Variants in BCAS4 observed in about 807,000 individuals in gnomAD.
BCAS4 encodes the protein breast carcinoma amplified sequence 4, also known as breast carcinoma-amplified sequence 4.
BCAS4 carries 9 observed loss-of-function variants against 15.7 expected under a neutral mutation model. The observed-to-expected ratio is 0.57, with a 90% CI of 0.34 to 1.00. BCAS4 has a LOEUF of 1.00. BCAS4 is among the 50% of genes least tolerant of loss of function. The probability of loss-of-function intolerance (pLI) is 0.02; values close to 1 mark genes in which losing one functional copy is unlikely to be tolerated. For missense variants in BCAS4, 225 were observed against 239.1 expected (o/e 0.94, Z 0.39); for synonymous variants, 101 against 99.5 (o/e 1.02, Z -0.09).
intron 1 of BCAS4, among the ~76,000 whole-genome samples, chr20:50,806,177 C>T (rs1205207622): frequency 1.3e-5 from 2 of 152,144 alleles, no homozygotes; most frequent in Admixed American, 1.3e-4. Context: ...TCCTTAGCTT[C>T]TGTCATGAGA....
At chr20:50,860,997 GAAA>G (rs200476021) in intron 4 of BCAS4, among the ~76,000 whole-genome samples, 1 of 133,832 alleles carries the variant, frequency 7.5e-6, no homozygotes, top group Non-Finnish European at 1.6e-5. Context: ...CCGGTCTCTG[GAAA>G]AAAAAAAAAA....
At chr20:50,859,971 T>C (rs1179788858) in intron 4 of BCAS4, among the ~76,000 whole-genome samples, 3 of 151,768 alleles carry the variant, frequency 2.0e-5, no homozygotes, top group Non-Finnish European at 4.4e-5. Context: ...GAGACCCCCA[T>C]CTCAAAAGAA....
chr20:50,828,217 C>A (rs1381847383), intron 2 of BCAS4, among the ~76,000 whole-genome samples: 2 of 151,818 alleles, frequency 1.3e-5, no homozygotes, highest in Non-Finnish European at 2.9e-5. Context: ...AAACGAGTAT[C>A]CCTGAGGACA....
intron 4 of BCAS4, 89 bp from the exon 5 acceptor site, chr20:50,876,397 T>C: frequency 6.5e-6 from 10 of 1,541,106 alleles, no homozygotes; most frequent in Non-Finnish European, 8.8e-6. Context: ...GTGTGAGTCC[T>C]GCAGGATGAA....
downstream of BCAS4, chr20:50,881,097 G>T (rs1980109092): frequency 6.6e-6 from 1 of 152,124 alleles, no homozygotes. Flanking sequence ...GCCAGGCATG[G>T]TGGTGCTTGC....
chr20:50,816,462 T>C (rs2088138663), intron 1 of BCAS4, among the ~76,000 whole-genome samples: 1 of 152,212 alleles, frequency 6.6e-6, no homozygotes, highest in Admixed American at 6.5e-5. Flanking sequence ...TGTTTAAACA[T>C]TGGGGCATTT....
chr20:50,819,432 C>A (rs760639906), intron 2 of BCAS4, among the ~76,000 whole-genome samples: 2 of 152,234 alleles, frequency 1.3e-5, no homozygotes, highest in Non-Finnish European at 2.9e-5. Flanking sequence ...CAGTGGTGTG[C>A]GTTTATGTCC....
At chr20:50,828,555 G>A (rs1328504766) in intron 2 of BCAS4, among the ~76,000 whole-genome samples, 2 of 152,210 alleles carry the variant, frequency 1.3e-5, no homozygotes, top group South Asian at 2.1e-4. Context: ...CAAGGCAGGT[G>A]GATCACTTGA....
intron 4 of BCAS4, among the ~76,000 whole-genome samples, chr20:50,873,408 G>T (rs754540118): frequency 6.6e-6 from 1 of 152,230 alleles, no homozygotes; most frequent in Non-Finnish European, 1.5e-5. Flanking sequence ...ACCAGGAGAA[G>T]AAGGGCCGTG....
intron 4 of BCAS4, among the ~76,000 whole-genome samples, chr20:50,873,477 G>A (rs1194692962): frequency 2.6e-5 from 4 of 152,190 alleles, no homozygotes; most frequent in Admixed American, 2.0e-4. Flanking sequence ...TGAGAGGGGC[G>A]GTCTTTGAAC....
chr20:50,853,371 T>G (rs1978552544), intron 4 of BCAS4, among the ~76,000 whole-genome samples: 1 of 151,888 alleles, frequency 6.6e-6, no homozygotes, highest in African/African-American at 2.4e-5. Context: ...TCTCGAACTC[T>G]TGACCTCAAG....
chr20:50,876,744 A>G lies in BCAS4; in HGVS notation c.*136A>G, dbSNP rs978894730. On this transcript the variant is annotated 3_prime_UTR_variant, in exon 5 of 5. Transcript: ENST00000371608. ...AAAAATGTCGAGATGGGGTCTCACT[A>G]TGTTGTCCAGACTGATCTCAAACTC... 8.6e-6 allele frequency: 10 copies of G among 1,166,066 alleles called. No individual in the cohort carries two copies. The highest frequency in any genetic ancestry group is 3.1e-5 in the East Asian group (1 of 32,434). 72.2% of individuals were successfully genotyped at this position (1,166,066 alleles called of 1,614,324 possible).
intron 3 of BCAS4, among the ~76,000 whole-genome samples, chr20:50,839,333 G>A (rs1045979087): frequency 2.0e-5 from 3 of 152,200 alleles, no homozygotes; most frequent in Non-Finnish European, 4.4e-5. Context: ...ACAAATGGGT[G>A]AGTTACATTT....
At chr20:50,863,596 CCA>C (rs1979205745) in intron 4 of BCAS4, among the ~76,000 whole-genome samples, 1 of 152,148 alleles carries the variant, frequency 6.6e-6, no homozygotes, top group South Asian at 2.1e-4. Context: ...GTGGAGCCAA[CCA>C]CCTTCCAGGC....
At chr20:50,824,690 A>G (rs1372992262) in intron 2 of BCAS4, among the ~76,000 whole-genome samples, 7 of 152,136 alleles carry the variant, frequency 4.6e-5, no homozygotes, top group African/African-American at 1.7e-4. Flanking sequence ...TATGGATTCC[A>G]TGTTGGGGAG....
In BCAS4 at chr20:50,834,266, G is replaced by GCTGCC. The variant is rs576788175; in HGVS notation, c.264+3888_264+3892dup. ...TGTAGAGACCGGGGCTCACTAAGTT[G>GCTGCC]CTGCCCAGGCTGGTCTCGAACTCTT... On this transcript the variant is annotated intron_variant, in intron 3 of 4. Coordinates refer to ENST00000371608, the MANE Select transcript of BCAS4 (RefSeq NM_198799.4). Among the ~76,000 whole-genome samples, 32 of 150,734 alleles carry GCTGCC rather than the reference G, an allele frequency of 2.1e-4. No homozygotes were observed. In the East Asian group the frequency reaches 4.3e-3, roughly 20 times the overall value.
intron 2 of BCAS4, among the ~76,000 whole-genome samples, chr20:50,826,022 C>T (rs772596914): frequency 1.3e-5 from 2 of 152,134 alleles, no homozygotes; most frequent in Non-Finnish European, 2.9e-5. Flanking sequence ...CTGTAGGTTG[C>T]CAATCCCAGC....
rs1267976573 is a variant in BCAS4, at chr20:50,876,657, C to T, written c.*49C>T. The T allele has an allele frequency of 6.3e-7, 1 of 1,580,384 alleles. No homozygotes were observed. The highest frequency in any genetic ancestry group is 1.4e-5 in the African/African-American group (1 of 73,172). ...ACGCTGGAAAGTGACATTGTGTACA[C>T]ACTGCAGCTTGGGGGTTTTTTCTTT... On this transcript the variant is annotated 3_prime_UTR_variant, in exon 5 of 5. Coordinates refer to ENST00000371608, the MANE Select transcript of BCAS4 (RefSeq NM_198799.4).
At chr20:50,873,967 T>A (rs1979787365) in intron 4 of BCAS4, among the ~76,000 whole-genome samples, 1 of 152,180 alleles carries the variant, frequency 6.6e-6, no homozygotes, top group Admixed American at 6.5e-5. Flanking sequence ...GATGGTTCCC[T>A]TCTGCAACAG....
Sources: gnomAD v4.1 joint callset for allele counts (sites outside exome capture counted in the v4.1 genomes callset) on GRCh38, gnomAD v4.1.1 for gene constraint, MANE v1.5 for transcripts, NCBI Gene and HGNC (gene_info 2026-07-23, HGNC 2026-07-21) for gene names.